Variants in ARB2A observed in about 807,000 individuals in gnomAD.
ARB2A encodes the protein cotranscriptional regulator ARB2A.
the ARB2A span, among the ~76,000 whole-genome samples, chr5:93,654,388 T>G: frequency 6.6e-6 from 1 of 152,198 alleles, no homozygotes; most frequent in Non-Finnish European, 1.5e-5. Flanking sequence ...GAGCATATTT[T>G]TCTATAATCT....
chr5:93,854,982 T>C, the ARB2A span, among the ~76,000 whole-genome samples: 1 of 152,202 alleles, frequency 6.6e-6, no homozygotes, highest in Non-Finnish European at 1.5e-5. Context: ...GTCTGCATGA[T>C]GCAGAGCTGA....
chr5:93,739,438 G>A, the ARB2A span: 2 of 152,134 alleles, frequency 1.3e-5, no homozygotes, highest in South Asian at 4.2e-4. Context: ...TAAAACATTT[G>A]CAAGACTGAT....
the ARB2A span, chr5:93,776,392 G>C: frequency 1.8e-6 from 1 of 551,200 alleles, no homozygotes; most frequent in Non-Finnish European, 3.2e-6. Flanking sequence ...TATGTAAACA[G>C]TCGGTAATTA....
the ARB2A span, among the ~76,000 whole-genome samples, chr5:93,707,865 G>A: frequency 3.9e-5 from 6 of 152,034 alleles, no homozygotes; most frequent in Non-Finnish European, 7.4e-5. Flanking sequence ...ATGAGCCACC[G>A]CGCTCGACCA....
chr5:93,618,149 T>C, the ARB2A span: 1 of 152,046 alleles, frequency 6.6e-6, no homozygotes, highest in Admixed American at 6.6e-5. Context: ...CTTTTTTTTT[T>C]TTACTTCGCA....
chr5:94,074,801 T>A, the ARB2A span: 1 of 1,454,572 alleles, frequency 6.9e-7, no homozygotes. Flanking sequence ...AATTAAGTTC[T>A]ACTCAAAACC....
chr5:94,050,340 C>T, the ARB2A span, among the ~76,000 whole-genome samples: 2 of 151,364 alleles, frequency 1.3e-5, no homozygotes, highest in African/African-American at 4.9e-5. Flanking sequence ...CTGCAACCTC[C>T]GCCTCCCAGG....
At chr5:93,807,885 T>C in the ARB2A span, among the ~76,000 whole-genome samples, 2 of 152,074 alleles carry the variant, frequency 1.3e-5, no homozygotes, top group African/African-American at 2.4e-5. Flanking sequence ...CTGAATAAAA[T>C]TGAGACATCT....
the ARB2A span, among the ~76,000 whole-genome samples, chr5:94,040,982 G>A: frequency 1.3e-5 from 2 of 152,174 alleles, no homozygotes; most frequent in Middle Eastern, 3.2e-3. Flanking sequence ...CTGTGGTGCA[G>A]CCAGCCAGGT....
the ARB2A span, among the ~76,000 whole-genome samples, chr5:94,086,962 T>G: frequency 6.6e-6 from 1 of 152,156 alleles, no homozygotes; most frequent in Admixed American, 6.6e-5. Context: ...CACAAAGTAT[T>G]CCAGAAGAAG....
the ARB2A span, among the ~76,000 whole-genome samples, chr5:93,678,902 T>C: frequency 2.0e-5 from 3 of 152,136 alleles, no homozygotes; most frequent in African/African-American, 7.2e-5. Flanking sequence ...CTGAGGATTG[T>C]GTGTTGGTTT....
the ARB2A span, among the ~76,000 whole-genome samples, chr5:93,666,463 C>T: frequency 1.3e-5 from 2 of 149,912 alleles, no homozygotes; most frequent in East Asian, 3.9e-4. Flanking sequence ...CTTAGGTCAA[C>T]TTTTATAAAT....
At chr5:94,043,575 T>C in the ARB2A span, among the ~76,000 whole-genome samples, 3 of 152,226 alleles carry the variant, frequency 2.0e-5, no homozygotes, top group Non-Finnish European at 4.4e-5. Context: ...AGGAATCAAA[T>C]TTGACTTGTA....
the ARB2A span, chr5:93,958,725 TA>T: frequency 7.9e-7 from 1 of 1,264,608 alleles, no homozygotes; most frequent in Non-Finnish European, 1.1e-6. Flanking sequence ...AAACATATAA[TA>T]AAACAGTACT....
At chr5:94,076,075 G>A in the ARB2A span, among the ~76,000 whole-genome samples, 8 of 152,234 alleles carry the variant, frequency 5.3e-5, no homozygotes, top group African/African-American at 1.9e-4. Context: ...ATCCATGTTA[G>A]CTTATTTTTT....
At chr5:93,670,371 T>C in the ARB2A span, among the ~76,000 whole-genome samples, 1 of 152,246 alleles carries the variant, frequency 6.6e-6, no homozygotes, top group African/African-American at 2.4e-5. Flanking sequence ...GGCTTCTGCC[T>C]AGATCTCCTT....
the ARB2A span, among the ~76,000 whole-genome samples, chr5:93,859,961 A>T: frequency 6.6e-6 from 1 of 152,192 alleles, no homozygotes; most frequent in Non-Finnish European, 1.5e-5. Context: ...GAGCACCAGG[A>T]GGCATCTGAA....
At chr5:93,764,131 T>G in the ARB2A span, among the ~76,000 whole-genome samples, 23 of 151,972 alleles carry the variant, frequency 1.5e-4, no homozygotes. Context: ...ATATCACAAT[T>G]AAAAGAACTA....
the ARB2A span, among the ~76,000 whole-genome samples, chr5:93,857,634 C>T: frequency 5.3e-5 from 8 of 152,172 alleles, no homozygotes; most frequent in Admixed American, 2.0e-4. Context: ...TTAAGCCCGT[C>T]GGAAAAGTGC....
Sources: allele counts gnomAD v4.1 joint callset (sites outside exome capture counted in the v4.1 genomes callset), GRCh38; gene constraint gnomAD v4.1.1; transcripts MANE v1.5; gene names NCBI Gene and HGNC (gene_info 2026-07-23, HGNC 2026-07-21).